UGT1A10: variants seen among roughly 807,000 people sequenced by gnomAD.
UGT1A10 encodes the protein UDP glucuronosyltransferase family 1 member A10, also known as UDP-glucuronosyltransferase 1A10.
Under a neutral mutation model 45.8 loss-of-function variants are expected in UGT1A10, and 49 were observed. The ratio of observed to expected loss-of-function variants is 1.07; its 90% CI spans 0.85 to 1.36. UGT1A10 has a LOEUF of 1.36. Among genes scored for constraint, UGT1A10 ranks in the 40% most tolerant of loss-of-function variants. The pLI, the probability that UGT1A10 is intolerant of heterozygous loss-of-function variation, is 0.00. For synonymous variants in UGT1A10, 284 were observed against 249.7 expected (o/e 1.14, Z -1.29); for missense variants, 745 against 668.6 (o/e 1.11, Z -1.26).
At chr2:233,720,555 T>C (rs1276086879) in intron 1 of UGT1A10, among the ~76,000 whole-genome samples, 1 of 152,144 alleles carries the variant, frequency 6.6e-6, no homozygotes, top group Non-Finnish European at 1.5e-5. Flanking sequence ...CAAGTTTCTA[T>C]AGTGGGATCT....
At chr2:233,712,414 T>A (rs2125628323) in intron 1 of UGT1A10, among the ~76,000 whole-genome samples, 1 of 152,336 alleles carries the variant, frequency 6.6e-6, no homozygotes, top group East Asian at 1.9e-4. Flanking sequence ...CTTTGAGCTT[T>A]ACAAGAAATA....
chr2:233,648,785 A>G, intron 1 of UGT1A10: 23 of 862,658 alleles, frequency 2.7e-5, no homozygotes, highest in Non-Finnish European at 4.1e-5. Context: ...ACTTTTAAGG[A>G]GAGAGTAAGG....
intron 1 of UGT1A10, among the ~76,000 whole-genome samples, chr2:233,699,368 G>A (rs1318815561): frequency 6.6e-6 from 1 of 152,136 alleles, no homozygotes; most frequent in African/African-American, 2.4e-5. Flanking sequence ...TATTGGTATG[G>A]CTAGATTTCA....
At chr2:233,734,022 G>T (rs1181978921) in intron 1 of UGT1A10, among the ~76,000 whole-genome samples, 1 of 151,928 alleles carries the variant, frequency 6.6e-6, no homozygotes, top group Non-Finnish European at 1.5e-5. Context: ...CGAGTTAATG[G>T]GTGCAGCACA....
At chr2:233,748,838 CTG>C (rs774126450) in intron 1 of UGT1A10, among the ~76,000 whole-genome samples, 8 of 151,472 alleles carry the variant, frequency 5.3e-5, no homozygotes, top group African/African-American at 2.0e-4. Flanking sequence ...GGAGATAAAA[CTG>C]TGAGCGTATA....
chr2:233,687,764 G>T (rs1169948279), intron 1 of UGT1A10, among the ~76,000 whole-genome samples: 1 of 151,890 alleles, frequency 6.6e-6, no homozygotes, highest in Non-Finnish European at 1.5e-5. Context: ...AAATTAGCTG[G>T]GCCTGGTGGC....
chr2:233,639,689 CT>C (rs2073396817), intron 1 of UGT1A10, among the ~76,000 whole-genome samples: 1 of 149,638 alleles, frequency 6.7e-6, no homozygotes, highest in Non-Finnish European at 1.5e-5. Context: ...ACAAAATCTC[CT>C]TGAGTCTATC....
Position 233,637,155 on chromosome 2 carries a change from C to A in UGT1A10, c.633C>A (p.Ile211=), listed in dbSNP as rs202154835. ...MTFKERVWNH[I]VHLEDHLFCQ... is the part of the protein sequence containing the mutation. Reference sequence around the variant, plus strand: ...TCAAGGAGAGAGTATGGAACCACATCGTGCACTTGGAGGACCATTTATTTT... The same window carrying A: ...TCAAGGAGAGAGTATGGAACCACATAGTGCACTTGGAGGACCATTTATTTT... The change falls in exon 1 of 5, where the codon ATC becomes ATA. Residue 211 remains isoleucine, a synonymous_variant. Transcript: ENST00000344644. The A allele has an allele frequency of 1.2e-6, 2 of 1,613,820 alleles. No homozygotes were observed. Among genetic ancestry groups the A allele is most frequent in the South Asian group, 2.2e-5 (2 of 91,074 alleles).
intron 1 of UGT1A10, among the ~76,000 whole-genome samples, chr2:233,732,918 G>C (rs1288769205): frequency 6.6e-6 from 1 of 151,996 alleles, no homozygotes; most frequent in Non-Finnish European, 1.5e-5. Flanking sequence ...CCATTTTCAC[G>C]ATATTGATTC....
chr2:233,681,987 T>G (rs2074548749), intron 1 of UGT1A10: 11 of 1,614,188 alleles, frequency 6.8e-6, no homozygotes, highest in Middle Eastern at 1.7e-4. Context: ...GTGTGTCTAC[T>G]GCTGACCTGT....
intron 1 of UGT1A10, among the ~76,000 whole-genome samples, chr2:233,676,610 T>G (rs2074366554): frequency 6.6e-6 from 1 of 152,204 alleles, no homozygotes; most frequent in African/African-American, 2.4e-5. Flanking sequence ...CTTTGTCTCC[T>G]CCAGCCTGTG....
chr2:233,716,897 A>C lies in UGT1A10; in HGVS notation c.856-50137A>C, dbSNP rs1240550943. ...ATCTGTGCAGCCCAGACCCCTCCTCATCTCCAGACCCTGGAAGCTGATGCC... is the reference window on the plus strand; with the variant it reads ...ATCTGTGCAGCCCAGACCCCTCCTCCTCTCCAGACCCTGGAAGCTGATGCC... On this transcript the variant is annotated intron_variant, in intron 1 of 4. Transcript: ENST00000344644. 3.3e-5 allele frequency among the ~76,000 whole-genome samples: 5 copies of C among 151,990 alleles called. No individual in the cohort carries two copies. The East Asian group carries it at 9.6e-4, about 29-fold the overall frequency.
chr2:233,730,374 G>C (rs986236610), intron 1 of UGT1A10, among the ~76,000 whole-genome samples: 2 of 152,170 alleles, frequency 1.3e-5, no homozygotes, highest in African/African-American at 4.8e-5. Flanking sequence ...ATGATTTTCA[G>C]GGGAAAGATG....
intron 1 of UGT1A10, among the ~76,000 whole-genome samples, chr2:233,718,327 CAATG>C (rs1387578184): frequency 6.6e-6 from 1 of 152,204 alleles, no homozygotes; most frequent in East Asian, 1.9e-4. Flanking sequence ...GCTGGCTTAG[CAATG>C]TTGTATGTCT....
At chr2:233,697,124 A>AT (rs2075377179) in intron 1 of UGT1A10, among the ~76,000 whole-genome samples, 1 of 151,786 alleles carries the variant, frequency 6.6e-6, no homozygotes, top group Non-Finnish European at 1.5e-5. Context: ...TCTCCTCTTC[A>AT]TTTTTCTGTA....
intron 4 of UGT1A10, 33 bp downstream of exon 4, chr2:233,768,472 C>A: frequency 6.3e-7 from 1 of 1,596,838 alleles, no homozygotes; most frequent in South Asian, 1.1e-5. Flanking sequence ...ATACTTTGGT[C>A]ATGGCATTCA....
At chr2:233,693,209 G>A (rs868688696) in intron 1 of UGT1A10, 1 of 1,614,180 alleles carries the variant, frequency 6.2e-7, no homozygotes, top group South Asian at 1.1e-5. Flanking sequence ...GCTTTTGAAA[G>A]AATCCAAATA....
At chr2:233,747,851 C>G in intron 1 of UGT1A10, 1 of 1,613,534 alleles carries the variant, frequency 6.2e-7, no homozygotes, top group Non-Finnish European at 8.5e-7. Context: ...GGGTCAAGAA[C>G]ATGCTCTACC....
chr2:233,636,757 A>G lies in UGT1A10; in HGVS notation c.235A>G (p.Thr79Ala). Residue 79 changes from threonine to alanine, a missense_variant, in exon 1 of 5, where the codon ACC becomes GCC. Coordinates refer to ENST00000344644, the MANE Select transcript of UGT1A10 (RefSeq NM_019075.4). ...GAATTGCACAGTGAAGACTTACTCA[A>G]CCTCGTACACTCTGGAAGATCAGAA... ...SLNCTVKTYS[T>A]SYTLEDQNRE... 2 of 1,614,140 alleles carry G rather than the reference A, an allele frequency of 1.2e-6. No homozygotes were observed. Among genetic ancestry groups the G allele is most frequent in the Non-Finnish European group, 1.7e-6 (2 of 1,180,020 alleles).
Sources: gnomAD v4.1 joint callset for allele counts (sites outside exome capture counted in the v4.1 genomes callset) on GRCh38, gnomAD v4.1.1 for gene constraint, MANE v1.5 for transcripts, NCBI Gene and HGNC (gene_info 2026-07-23, HGNC 2026-07-21) for gene names.